The following ITGAV variants were observed in gnomAD, a reference collection of about 807,000 sequenced individuals.
ITGAV encodes the protein integrin alpha-V.
Under a neutral mutation model 143.8 loss-of-function variants are expected in ITGAV, and 76 were observed. The observed-to-expected ratio is 0.53, with a 90% confidence interval of 0.44 to 0.64. The LOEUF (loss-of-function observed/expected upper bound fraction) is 0.64. ITGAV is among the 30% of genes least tolerant of loss of function. The pLI, the probability that ITGAV is intolerant of heterozygous loss-of-function variation, is 0.00. For missense variants in ITGAV, 1,193 were observed against 1,274.7 expected (o/e 0.94, Z 0.98); for synonymous variants, 453 against 446.7 (o/e 1.01, Z -0.18).
intron 3 of ITGAV, 67 bp downstream of exon 3, chr2:186,622,497 A>G (rs2105686107): frequency 9.6e-7 from 1 of 1,041,548 alleles, no homozygotes; most frequent in Non-Finnish European, 1.5e-6. Flanking sequence ...AGAAGGTTTT[A>G]TATTTTCAGG....
rs1012505689 is a variant in ITGAV at position 186,623,080 on chromosome 2, A to T, written c.408+650A>T. ...GTGGAATACAGAACAAAGAAAAAAAAATAACAACCTTCCTTCACCTCATCT... is the reference window on the plus strand; with the variant it reads ...GTGGAATACAGAACAAAGAAAAAAATATAACAACCTTCCTTCACCTCATCT... On this transcript the variant is annotated intron_variant, in intron 3 of 29. Transcript: ENST00000261023. 3.3e-5 allele frequency among the ~76,000 whole-genome samples: 5 copies of T among 152,242 alleles called. No individual in the cohort carries two copies. The East Asian group carries it at 9.7e-4, about 29-fold the overall frequency.
At position 186,678,662 on chromosome 2, in the gene ITGAV, C is replaced by G. The variant is rs1257914092; in HGVS notation, c.*1370C>G. The stretch of plus-strand genomic sequence containing the variant: ...TTATATGGCTCTGTAGAGTGGTGAA[C>G]CTTCTAGAGGAATATATGATTTATT... On this transcript the variant is annotated 3_prime_UTR_variant, in exon 30 of 30. Coordinates refer to ENST00000261023, the MANE Select transcript of ITGAV (RefSeq NM_002210.5). 2.2e-6 allele frequency: 1 copy of G among 450,682 alleles called. No individual in the cohort carries two copies. Among genetic ancestry groups the G allele is most frequent in the Non-Finnish European group, 4.5e-6 (1 of 224,562 alleles). 27.9% of individuals were successfully genotyped at this position (450,682 alleles called of 1,614,324 possible).
intron 11 of ITGAV, 71 bp downstream of exon 11, chr2:186,641,038 A>T: frequency 8.5e-7 from 1 of 1,174,096 alleles, no homozygotes; most frequent in Non-Finnish European, 1.2e-6. Flanking sequence ...CAAACTAAAC[A>T]TTTTTTTCTT....
chr2:186,630,988 C>T (rs542142951), intron 5 of ITGAV, 130 bp downstream of exon 5: 15 of 537,438 alleles, frequency 2.8e-5, no homozygotes, highest in East Asian at 5.5e-5. Context: ...GTTAATAAAA[C>T]GATCCATTCA....
At chr2:186,597,770 T>C (rs1686784568) in intron 1 of ITGAV, among the ~76,000 whole-genome samples, 2 of 152,168 alleles carry the variant, frequency 1.3e-5, no homozygotes, top group African/African-American at 2.4e-5. Flanking sequence ...TAGATTCTCA[T>C]AGGAGCAAAC....
At chr2:186,660,072 T>C (rs1023041599) in intron 18 of ITGAV, among the ~76,000 whole-genome samples, 2 of 152,148 alleles carry the variant, frequency 1.3e-5, no homozygotes, top group African/African-American at 4.8e-5. Flanking sequence ...TTCAGTATTA[T>C]ACTTTCTTTG....
At chr2:186,639,745 C>G (rs1413398803) in intron 10 of ITGAV, among the ~76,000 whole-genome samples, 2 of 152,172 alleles carry the variant, frequency 1.3e-5, no homozygotes, top group Admixed American at 6.5e-5. Flanking sequence ...CTGACAACTT[C>G]CTCATGGGAC....
rs1334679759 is a variant in ITGAV, at chr2:186,632,865, T to C, written c.586-464T>C. Among the ~76,000 whole-genome samples, 3 of 152,130 alleles carry C rather than the reference T, an allele frequency of 2.0e-5. No individual in the cohort carries two copies. In the East Asian group the frequency reaches 5.8e-4, roughly 29 times the overall value. ...CCACAAAAGTGTGTATTTTCATGTATTGAATGAATATATTAAAATGTTTCT... is the reference window on the plus strand; with the variant it reads ...CCACAAAAGTGTGTATTTTCATGTACTGAATGAATATATTAAAATGTTTCT... On this transcript the variant is annotated intron_variant, in intron 5 of 29. Transcript: ENST00000261023.
intron 2 of ITGAV, 77 bp downstream of exon 2, chr2:186,602,228 G>A (rs1439263170): frequency 8.2e-7 from 1 of 1,224,730 alleles, no homozygotes; most frequent in Non-Finnish European, 1.2e-6. Flanking sequence ...TTTAAATGTA[G>A]CCATTTAATA....
At chr2:186,610,949 G>A (rs994733745) in intron 2 of ITGAV, among the ~76,000 whole-genome samples, 3 of 152,118 alleles carry the variant, frequency 2.0e-5, no homozygotes, top group East Asian at 1.9e-4. Flanking sequence ...TGCTATTGTC[G>A]TAAGTTACCA....
At chr2:186,643,779 C>T (rs1376132873) in intron 12 of ITGAV, among the ~76,000 whole-genome samples, 1 of 152,060 alleles carries the variant, frequency 6.6e-6, no homozygotes, top group African/African-American at 2.4e-5. Flanking sequence ...AAATCAATTG[C>T]ATGAATGTGT....
chr2:186,676,739 A>G (rs772228053), intron 28 of ITGAV, 74 bp from the exon 29 acceptor site: 3 of 1,432,750 alleles, frequency 2.1e-6, no homozygotes, highest in African/African-American at 1.5e-5. Flanking sequence ...AAAATAAAAT[A>G]TAATATTTAC....
At chr2:186,616,353 A>G (rs925649841) in intron 2 of ITGAV, among the ~76,000 whole-genome samples, 7 of 133,014 alleles carry the variant, frequency 5.3e-5, no homozygotes, top group Non-Finnish European at 1.1e-4. Flanking sequence ...ATCTCGGCTC[A>G]CTGCAAGCTC....
At chr2:186,674,397 GT>G (rs969135614) in intron 26 of ITGAV, among the ~76,000 whole-genome samples, 1 of 151,570 alleles carries the variant, frequency 6.6e-6, no homozygotes, top group Non-Finnish European at 1.5e-5. Context: ...TTCTGTACTT[GT>G]TTTTTTAGCT....
At chr2:186,599,499 T>C (rs1483478183) in intron 1 of ITGAV, among the ~76,000 whole-genome samples, 1 of 152,202 alleles carries the variant, frequency 6.6e-6, no homozygotes, top group African/African-American at 2.4e-5. Flanking sequence ...TTTATTTTAT[T>C]TCTTGAGACA....
At chr2:186,627,038 C>G (rs150450564) in intron 4 of ITGAV, among the ~76,000 whole-genome samples, 20 of 152,174 alleles carry the variant, frequency 1.3e-4, no homozygotes, top group Admixed American at 3.9e-4. Flanking sequence ...GATGTACACA[C>G]ACACGCAGTA....
chr2:186,642,102 T>C (rs1688120221), intron 12 of ITGAV, among the ~76,000 whole-genome samples: 2 of 152,244 alleles, frequency 1.3e-5, no homozygotes, highest in African/African-American at 4.8e-5. Context: ...GGTGGCATAT[T>C]AAAAGTATAA....
chr2:186,645,678 G>T (rs1688234727), intron 12 of ITGAV, among the ~76,000 whole-genome samples: 1 of 152,114 alleles, frequency 6.6e-6, no homozygotes, highest in Non-Finnish European at 1.5e-5. Context: ...CACTTAAAAG[G>T]CTGTTTAAGG....
At chr2:186,663,469 A>C (rs1373077702) in intron 18 of ITGAV, among the ~76,000 whole-genome samples, 1 of 152,202 alleles carries the variant, frequency 6.6e-6, no homozygotes, top group East Asian at 1.9e-4. Context: ...TTTCTACACC[A>C]GTCTTCATTC....
Sources: gnomAD v4.1 joint callset for allele counts (sites outside exome capture counted in the v4.1 genomes callset) on GRCh38, gnomAD v4.1.1 for gene constraint, MANE v1.5 for transcripts, NCBI Gene and HGNC (gene_info 2026-07-23, HGNC 2026-07-21) for gene names.